The following SYNPO2 variants were observed in gnomAD, a reference collection of about 807,000 sequenced individuals.
SYNPO2 encodes the protein synaptopodin 2.
Under a neutral mutation model 85.0 loss-of-function variants are expected in SYNPO2, and 56 were observed. That is an observed-to-expected ratio of 0.66 (90% CI 0.53 to 0.82). The LOEUF is 0.82. Ranked by LOEUF, SYNPO2 falls within the 40% of genes least tolerant of loss-of-function variation. The probability of loss-of-function intolerance (pLI) is 0.00; values close to 1 mark genes in which losing one functional copy is unlikely to be tolerated. For synonymous variants in SYNPO2, 602 were observed against 591.1 expected (o/e 1.02, Z -0.27); for missense variants, 1,575 against 1,534.2 (o/e 1.03, Z -0.44).
intron 1 of SYNPO2, among the ~76,000 whole-genome samples, chr4:118,912,860 A>G (rs76974237): frequency 0.015 from 2,358 of 152,298 alleles, 30 homozygotes; most frequent in Non-Finnish European, 0.021. Context: ...TTAACAGAAA[A>G]ACGTTTAGCT....
At chr4:118,864,212 C>A (rs1270888105) in intron 1 of SYNPO2, among the ~76,000 whole-genome samples, 6 of 152,012 alleles carry the variant, frequency 3.9e-5, no homozygotes, top group Non-Finnish European at 4.4e-5. Context: ...TTTATTGGCC[C>A]ACCAATTTTT....
chr4:118,885,163 G>A (rs528865198), upstream of SYNPO2, among the ~76,000 whole-genome samples: 4 of 152,174 alleles, frequency 2.6e-5, no homozygotes, highest in African/African-American at 9.7e-5. Flanking sequence ...TCAAGGTAGG[G>A]GTAGTAAGCA....
chr4:118,875,223 G>A (rs1287234976), intron 1 of SYNPO2, among the ~76,000 whole-genome samples: 9 of 152,186 alleles, frequency 5.9e-5, no homozygotes. Context: ...ATTCCATGGT[G>A]TATATGTACC....
chr4:118,959,831 GT>G (rs1237830348), intron 1 of SYNPO2, among the ~76,000 whole-genome samples: 4 of 109,630 alleles, frequency 3.6e-5, no homozygotes, highest in African/African-American at 1.1e-4. Context: ...CTCCCTCGGT[GT>G]AGTACATTGA....
At chr4:118,964,220 C>T (rs1319802874) in intron 1 of SYNPO2, among the ~76,000 whole-genome samples, 4 of 151,822 alleles carry the variant, frequency 2.6e-5, no homozygotes, top group Non-Finnish European at 2.9e-5. Context: ...GAGGTTGAGG[C>T]GGGCAGATTA....
At chr4:118,938,238 G>A (rs529075183) in intron 1 of SYNPO2, among the ~76,000 whole-genome samples, 1 of 152,264 alleles carries the variant, frequency 6.6e-6, no homozygotes, top group African/African-American at 2.4e-5. Flanking sequence ...AGAATTGCTT[G>A]AACCCGGGAA....
intron 1 of SYNPO2, among the ~76,000 whole-genome samples, chr4:118,989,329 T>C (rs1486675775): frequency 1.3e-5 from 2 of 152,206 alleles, no homozygotes; most frequent in Admixed American, 6.5e-5. Flanking sequence ...AAGAGGTTTC[T>C]GGAGTGTAAC....
chr4:118,986,853 T>G (rs991892558), intron 1 of SYNPO2, among the ~76,000 whole-genome samples: 1 of 152,202 alleles, frequency 6.6e-6, no homozygotes, highest in African/African-American at 2.4e-5. Flanking sequence ...AACCAGGAAA[T>G]AGACTGTTAT....
At chr4:118,910,525 C>A (rs982046873) in intron 1 of SYNPO2, among the ~76,000 whole-genome samples, 5 of 151,760 alleles carry the variant, frequency 3.3e-5, no homozygotes, top group Admixed American at 6.6e-5. Context: ...AAATATGGTG[C>A]ACTTAAGTAT....
At chr4:119,037,187 T>G (rs1366969065) in intron 4 of SYNPO2, 1 of 1,543,316 alleles carries the variant, frequency 6.5e-7, no homozygotes, top group Non-Finnish European at 8.8e-7. Flanking sequence ...TTCCTCTACC[T>G]GATAATGATA....
chr4:119,054,939 G>A (rs1302757004), intron 4 of SYNPO2, among the ~76,000 whole-genome samples: 1 of 151,978 alleles, frequency 6.6e-6, no homozygotes, highest in East Asian at 1.9e-4. Context: ...ACTCTCCCAG[G>A]GCCTCTGTAG....
chr4:118,862,507 C>T (rs1040653037), intron 1 of SYNPO2, among the ~76,000 whole-genome samples: 12 of 152,200 alleles, frequency 7.9e-5, no homozygotes, highest in East Asian at 1.9e-4. Context: ...ACCTCCTATC[C>T]CCAGTTTTTT....
At chr4:118,889,184 A>G (rs774041176) in intron 1 of SYNPO2, 43 bp downstream of exon 1, 5 of 1,570,154 alleles carry the variant, frequency 3.2e-6, no homozygotes, top group Non-Finnish European at 4.3e-6. Context: ...CTAGGAAGGA[A>G]GGAATGAAAG....
At chr4:119,035,746 C>G (rs1470213902) in intron 4 of SYNPO2, 1 of 977,956 alleles carries the variant, frequency 1.0e-6, no homozygotes, top group Admixed American at 6.8e-5. Flanking sequence ...AAGAAGCAGG[C>G]ATTGTAGGAC....
At chr4:118,929,300 C>T (rs1733840329) in intron 1 of SYNPO2, among the ~76,000 whole-genome samples, 1 of 151,964 alleles carries the variant, frequency 6.6e-6, no homozygotes, top group South Asian at 2.1e-4. Flanking sequence ...AAGGAACTGG[C>T]CAATTCTTTG....
At chr4:119,052,770 C>T (rs958705878) in intron 4 of SYNPO2, among the ~76,000 whole-genome samples, 6 of 152,202 alleles carry the variant, frequency 3.9e-5, no homozygotes, top group African/African-American at 1.4e-4. Flanking sequence ...CAAAATAAAA[C>T]TGGTTTGAGT....
intron 1 of SYNPO2, among the ~76,000 whole-genome samples, chr4:118,875,378 A>T (rs940123321): frequency 2.6e-4 from 39 of 147,494 alleles, no homozygotes; most frequent in Non-Finnish European, 5.9e-5. Context: ...TTGTAATATC[A>T]TATTTTACAT....
In SYNPO2 at chr4:118,997,239, C is replaced by CAAAAAAAAA. The variant is rs1434428754; in HGVS notation, c.106-26181_106-26173dup. On this transcript the variant is annotated intron_variant, in intron 1 of 4. Transcript: ENST00000307142. ...TGGGCGACAGAGCGAGACTCCGTCT[C>CAAAAAAAAA]AAAAAAAAAAAAAAAAAATTAAAAG... is the stretch of plus-strand genomic sequence containing the variant. Among the ~76,000 whole-genome samples the CAAAAAAAAA allele has an allele frequency of 1.9e-3, 127 of 65,174 alleles. 4 individuals are homozygous for CAAAAAAAAA. Among genetic ancestry groups the CAAAAAAAAA allele is most frequent in the Middle Eastern group, 9.6e-3 (1 of 104 alleles). The allele number at this position is 65,174 out of a possible 152,430, so 42.8% of individuals were successfully genotyped here.
At chr4:118,888,765 T>G, upstream of SYNPO2, 1 of 476,004 alleles carries the variant, frequency 2.1e-6, no homozygotes, top group Non-Finnish European at 3.7e-6. Flanking sequence ...TCCTCGAAGG[T>G]GGGCCGAGCA....
Sources: gnomAD v4.1 joint callset for allele counts (sites outside exome capture counted in the v4.1 genomes callset) on GRCh38, gnomAD v4.1.1 for gene constraint, MANE v1.5 for transcripts, NCBI Gene and HGNC (gene_info 2026-07-23, HGNC 2026-07-21) for gene names.